ZSCAN5A: variants seen among roughly 807,000 people sequenced by gnomAD.
ZSCAN5A encodes the protein zinc finger and SCAN domain containing 5A, also known as zinc finger and SCAN domain-containing protein 5A.
A neutral mutation model predicts 23.7 loss-of-function variants in ZSCAN5A; 12 were observed. That is an observed-to-expected ratio of 0.51 (90% confidence interval 0.32 to 0.82). The LOEUF (loss-of-function observed/expected upper bound fraction) is 0.82, where lower values mean the gene tolerates loss of function less well. ZSCAN5A is among the 40% of genes least tolerant of loss of function. ZSCAN5A has a pLI of 0.03. For missense variants in ZSCAN5A, 597 were observed against 617.9 expected (o/e 0.97, Z 0.36); for synonymous variants, 257 against 239.9 (o/e 1.07, Z -0.66).
intron 2 of ZSCAN5A, among the ~76,000 whole-genome samples, chr19:56,253,260 G>A (rs1471146779): frequency 3.3e-5 from 4 of 119,956 alleles, no homozygotes; most frequent in Non-Finnish European, 6.5e-5. Context: ...AGAGCAAGAG[G>A]CTGTCTCAAA....
At chr19:56,272,251 T>C (rs1477174368) in intron 2 of ZSCAN5A, among the ~76,000 whole-genome samples, 2 of 152,202 alleles carry the variant, frequency 1.3e-5, no homozygotes, top group Non-Finnish European at 2.9e-5. Context: ...TTTCTGAAAT[T>C]TACAGTACGT....
intron 2 of ZSCAN5A, among the ~76,000 whole-genome samples, chr19:56,269,458 T>C (rs940191908): frequency 6.6e-6 from 1 of 152,196 alleles, no homozygotes; most frequent in African/African-American, 2.4e-5. Flanking sequence ...ATCTGACTCC[T>C]GGAACCTGGG....
chr19:56,247,289 G>T, intron 2 of ZSCAN5A: 1 of 315,428 alleles, frequency 3.2e-6, no homozygotes, highest in African/African-American at 2.2e-5. Flanking sequence ...CACAAGAGGA[G>T]CCACACGGGG....
chr19:56,297,564 A>G (rs2039961619), intron 2 of ZSCAN5A: 7 of 976,864 alleles, frequency 7.2e-6, no homozygotes, highest in African/African-American at 3.5e-5. Flanking sequence ...TTCCTCATCT[A>G]TAAGACAGTG....
At chr19:56,265,060 T>C (rs2037377229) in intron 2 of ZSCAN5A, among the ~76,000 whole-genome samples, 1 of 152,030 alleles carries the variant, frequency 6.6e-6, no homozygotes, top group East Asian at 1.9e-4. Context: ...AGGCGGAGGT[T>C]GCAGTGAGCT....
intron 2 of ZSCAN5A, among the ~76,000 whole-genome samples, chr19:56,261,804 G>A (rs1265970997): frequency 1.3e-5 from 2 of 152,104 alleles, no homozygotes; most frequent in Non-Finnish European, 2.9e-5. Flanking sequence ...TCTAAAGTTT[G>A]GCTATCACAA....
At chr19:56,261,475 T>G (rs149266214) in intron 2 of ZSCAN5A, among the ~76,000 whole-genome samples, 1 of 152,148 alleles carries the variant, frequency 6.6e-6, no homozygotes, top group East Asian at 1.9e-4. Flanking sequence ...CACTGGTGAA[T>G]GAAACCTAAT....
At chr19:56,318,132 TG>T (rs2041336788), upstream of ZSCAN5A, 3 of 152,130 alleles carry the variant, frequency 2.0e-5, no homozygotes, top group African/African-American at 7.2e-5. Flanking sequence ...TGTGTGTGTG[TG>T]TGAGAGTTGT....
At chr19:56,315,002 T>A (rs2041274031), upstream of ZSCAN5A, 2 of 152,134 alleles carry the variant, frequency 1.3e-5, no homozygotes. Flanking sequence ...TGAAAGCATC[T>A]AACAAGCGTT....
At chr19:56,308,331 C>CTTTTTTTT (rs543582885) in intron 2 of ZSCAN5A, among the ~76,000 whole-genome samples, 12,190 of 144,346 alleles carry the variant, frequency 0.084, 615 homozygotes, top group Middle Eastern at 0.099. Flanking sequence ...GGCTCCCAGT[C>CTTTTTTTT]TTTTTTTTTT....
At chr19:56,228,421 G>C in intron 2 of ZSCAN5A, 1 of 985,412 alleles carries the variant, frequency 1.0e-6, no homozygotes, top group South Asian at 4.7e-5. Context: ...TACGTAATCG[G>C]CGTTGATTAT....
intron 2 of ZSCAN5A, chr19:56,320,117 T>C: frequency 1.3e-6 from 1 of 763,580 alleles, no homozygotes; most frequent in South Asian, 1.3e-5. Context: ...TTCAGAGCCA[T>C]CTGTTAACTG....
At chr19:56,227,218 T>A (rs1332986627) in intron 2 of ZSCAN5A, among the ~76,000 whole-genome samples, 1 of 152,232 alleles carries the variant, frequency 6.6e-6, no homozygotes, top group African/African-American at 2.4e-5. Context: ...GGCATATGAA[T>A]ATTAGCTCAA....
intron 2 of ZSCAN5A, chr19:56,302,714 C>A: frequency 2.1e-5 from 5 of 237,312 alleles, no homozygotes; most frequent in East Asian, 7.7e-5. Context: ...TTTCCTTCTT[C>A]CCTCCCTCCC....
chr19:56,304,130 A>C (rs1480542684), intron 2 of ZSCAN5A, among the ~76,000 whole-genome samples: 1 of 152,072 alleles, frequency 6.6e-6, no homozygotes, highest in African/African-American at 2.4e-5. Context: ...TCAGGGCGAG[A>C]GTGGGAGCAG....
At chr19:56,233,465 A>C (rs2034630957) in intron 2 of ZSCAN5A, among the ~76,000 whole-genome samples, 1 of 152,178 alleles carries the variant, frequency 6.6e-6, no homozygotes, top group African/African-American at 2.4e-5. Flanking sequence ...CCATAAGGGC[A>C]AATGGTTCCA....
chr19:56,325,083 C>T (rs73937238), intron 2 of ZSCAN5A, among the ~76,000 whole-genome samples: 1,530 of 152,340 alleles, frequency 0.01, 29 homozygotes, highest in African/African-American at 0.035. Flanking sequence ...TAGGCTGTTG[C>T]TTCCCAGCCT....
At chr19:56,326,454 G>T (rs80104645) in intron 2 of ZSCAN5A, among the ~76,000 whole-genome samples, 2,962 of 151,960 alleles carry the variant, frequency 0.019, 98 homozygotes, top group African/African-American at 0.068. Context: ...GAAAGTTTCT[G>T]CCCTTAGACA....
intron 2 of ZSCAN5A, chr19:56,321,018 T>C: frequency 1.4e-6 from 1 of 703,732 alleles, no homozygotes; most frequent in South Asian, 1.5e-5. Flanking sequence ...TTCCACCTGC[T>C]GTAGTAATAA....
Sources: gnomAD v4.1 joint callset for allele counts (sites outside exome capture counted in the v4.1 genomes callset) on GRCh38, gnomAD v4.1.1 for gene constraint, MANE v1.5 for transcripts, NCBI Gene and HGNC (gene_info 2026-07-23, HGNC 2026-07-21) for gene names.